Variants in SLIT3 observed in about 807,000 individuals in gnomAD.
The protein encoded by SLIT3 is slit guidance ligand 3.
Under a neutral mutation model 184.0 loss-of-function variants are expected in SLIT3, and 68 were observed. That is an observed-to-expected ratio of 0.37 (90% CI 0.30 to 0.45). The LOEUF is 0.45. Ranked by LOEUF, SLIT3 falls within the 20% of genes least tolerant of loss-of-function variation. The pLI, the probability that SLIT3 is intolerant of heterozygous loss-of-function variation, is 1.00. For synonymous variants in SLIT3, 831 were observed against 828.6 expected, an observed-to-expected ratio of 1.00 and a Z score of -0.05; for missense variants, 1,707 against 2,026.0, an observed-to-expected ratio of 0.84 and a Z score of 3.02.
intron 1 of SLIT3, among the ~76,000 whole-genome samples, chr5:169,276,776 T>C (rs1581131207): frequency 1.3e-5 from 2 of 152,326 alleles, no homozygotes; most frequent in Admixed American, 1.3e-4. Context: ...GCATCTACTA[T>C]AGGCTGGGCT....
rs947601688 is a variant in SLIT3 at position 168,932,244 on chromosome 5, T to G, written c.414-48908A>C. Among the ~76,000 whole-genome samples the G allele has an allele frequency of 2.3e-5, 3 of 128,646 alleles. No individual in the cohort carries two copies. The Admixed American group carries it at 2.3e-4, about 10-fold the overall frequency. The allele number at this position is 128,646 out of a possible 152,430, so 84.4% of individuals were successfully genotyped here. On this transcript the variant is annotated intron_variant, in intron 4 of 35. Transcript: ENST00000519560. ...CCCTACCCATTCCTGACACAGTTTT[T>G]TTGTTGTTGTTGTGTTTTTTTTTTT...
chr5:169,000,118 T>C (rs550086019), intron 4 of SLIT3, among the ~76,000 whole-genome samples: 1 of 152,212 alleles, frequency 6.6e-6, no homozygotes, highest in East Asian at 1.9e-4. Flanking sequence ...TAAGAAGTTA[T>C]GGCCGGGTGC....
chr5:168,886,323 C>T (rs1760208821), intron 4 of SLIT3, among the ~76,000 whole-genome samples: 1 of 152,180 alleles, frequency 6.6e-6, no homozygotes, highest in South Asian at 2.1e-4. Flanking sequence ...CAGGGCTGGG[C>T]GCTTCATTTT....
At chr5:169,083,194 C>T (rs1229228847) in intron 4 of SLIT3, among the ~76,000 whole-genome samples, 1 of 152,178 alleles carries the variant, frequency 6.6e-6, no homozygotes. Context: ...TTTGTATTTG[C>T]ACTGACAGGT....
intron 33 of SLIT3, among the ~76,000 whole-genome samples, chr5:168,671,817 G>T (rs185127405): frequency 6.6e-6 from 1 of 152,286 alleles, no homozygotes; most frequent in African/African-American, 2.4e-5. Context: ...TGAGGAGACC[G>T]TTCCCCCCAA....
rs773209530 is a variant in SLIT3 at position 168,806,434 on chromosome 5, A to T, written c.935+12T>A. 2 of 1,614,126 alleles carry T rather than the reference A, an allele frequency of 1.2e-6. No individual in the cohort carries two copies. Among genetic ancestry groups the T allele is most frequent in the East Asian group, 2.2e-5 (1 of 44,880 alleles). Reference sequence around the variant, plus strand: ...GCGACAGTTGTTGGGGGTGTCAGACAGGTGCACTTACATTTCGACGATGCC... The same window carrying T: ...GCGACAGTTGTTGGGGGTGTCAGACTGGTGCACTTACATTTCGACGATGCC... On this transcript the variant is annotated intron_variant, in intron 9 of 35. Transcript: ENST00000519560.
chr5:169,221,408 A>G (rs892785424), intron 3 of SLIT3, among the ~76,000 whole-genome samples: 1 of 152,140 alleles, frequency 6.6e-6, no homozygotes. Context: ...CGTGGACATG[A>G]TGTATCAGTG....
intron 4 of SLIT3, among the ~76,000 whole-genome samples, chr5:169,102,760 A>G (rs1265601974): frequency 2.6e-5 from 4 of 152,172 alleles, no homozygotes; most frequent in Admixed American, 1.3e-4. Flanking sequence ...AATCTCCTAC[A>G]TTAGGGAGAG....
At position 169,245,668 on chromosome 5, in the gene SLIT3, T is replaced by C. The variant is rs1169897518; in HGVS notation, c.270-892A>G. ...GTGGAGTTTCGGAAGGGCTATGGAT[T>C]CCTCTGGATTACTCAGGAGGAGAGG... is the stretch of plus-strand genomic sequence containing the variant. On this transcript the variant is annotated intron_variant, in intron 2 of 35. Coordinates refer to ENST00000519560, the MANE Select transcript of SLIT3 (RefSeq NM_003062.4). Among the ~76,000 whole-genome samples, 4 of 152,166 alleles carry C rather than the reference T, an allele frequency of 2.6e-5. No individual in the cohort carries two copies. In the East Asian group the frequency reaches 7.7e-4, roughly 29 times the overall value.
At chr5:169,146,762 C>T (rs571772346) in intron 4 of SLIT3, among the ~76,000 whole-genome samples, 1 of 152,306 alleles carries the variant, frequency 6.6e-6, no homozygotes, top group Admixed American at 6.5e-5. Context: ...GGCTTTTAGG[C>T]CTCACCTTGC....
intron 4 of SLIT3, chr5:169,018,014 CA>C (rs1756459154): frequency 6.6e-6 from 1 of 152,330 alleles, no homozygotes; most frequent in Admixed American, 6.5e-5. Context: ...AATTCTGACA[CA>C]AAACAAATCT....
intron 4 of SLIT3, among the ~76,000 whole-genome samples, chr5:169,071,474 G>C (rs901997142): frequency 1.3e-5 from 2 of 152,190 alleles, no homozygotes; most frequent in African/African-American, 4.8e-5. Flanking sequence ...ATAAAACACT[G>C]ATTACTGTGG....
Position 168,708,049 on chromosome 5 carries a change from G to C in SLIT3, c.2771C>G (p.Pro924Arg), listed in dbSNP as rs781009300. ...VAKCNACLSS[P>R]CKNNGTCTQD... is the part of the protein sequence containing the mutation. ...GGTGCATGTCCCGTTATTCTTGCACGGGCTGGAGAGGCAGGCATTGCATTT... is the reference window on the plus strand; with the variant it reads ...GGTGCATGTCCCGTTATTCTTGCACCGGCTGGAGAGGCAGGCATTGCATTT... The change falls in exon 26 of 36, where the codon CCG becomes CGG. Residue 924 changes from proline (P) to arginine (R), a missense_variant. Pro to Arg is a moderately radical substitution (Grantham distance 103). This residue lies in a region of SLIT3 where 1,307 missense variants were observed against 1,511.6 expected (regional missense o/e 0.86). Transcript: ENST00000519560. The C allele has an allele frequency of 2.5e-6, 4 of 1,614,146 alleles. No individual in the cohort carries two copies. The South Asian group carries it at 4.4e-5, about 18-fold the overall frequency.
intron 4 of SLIT3, among the ~76,000 whole-genome samples, chr5:169,111,635 C>T (rs1202981520): frequency 6.6e-6 from 1 of 152,112 alleles, no homozygotes; most frequent in African/African-American, 2.4e-5. Flanking sequence ...GCCTGTAATC[C>T]CAGCTACTCG....
At chr5:168,730,004 G>C (rs1763246518) in intron 20 of SLIT3, among the ~76,000 whole-genome samples, 1 of 151,872 alleles carries the variant, frequency 6.6e-6, no homozygotes. Flanking sequence ...GACGCAAATA[G>C]ACTGAAAGTA....
chr5:168,916,871 T>C (rs62377189), intron 4 of SLIT3, among the ~76,000 whole-genome samples: 3,799 of 152,212 alleles, frequency 0.025, 64 homozygotes, highest in Middle Eastern at 0.048. Flanking sequence ...CTTATACAGG[T>C]AGATTGACTC....
intron 4 of SLIT3, among the ~76,000 whole-genome samples, chr5:168,910,875 G>A (rs755803700): frequency 5.3e-5 from 8 of 152,120 alleles, no homozygotes; most frequent in Non-Finnish European, 1.2e-4. Flanking sequence ...CACAGTTTAT[G>A]CTTTGTGTCC....
At chr5:168,752,897 G>C (rs773063928) in intron 18 of SLIT3, 58 bp downstream of exon 18, 19 of 1,540,170 alleles carry the variant, frequency 1.2e-5, no homozygotes, top group Non-Finnish European at 1.5e-5. Context: ...GCTGGGAGGA[G>C]AGAGCGCTGC....
intron 4 of SLIT3, among the ~76,000 whole-genome samples, chr5:169,191,301 A>G (rs1763543032): frequency 6.6e-6 from 1 of 152,222 alleles, no homozygotes; most frequent in African/African-American, 2.4e-5. Context: ...ATGCCCGGAC[A>G]CGGACCCAGC....
Sources: allele counts gnomAD v4.1 joint callset (sites outside exome capture counted in the v4.1 genomes callset), GRCh38; gene constraint gnomAD v4.1.1; regional missense constraint gnomAD v4.1.1; transcripts MANE v1.5; gene names NCBI Gene and HGNC (gene_info 2026-07-23, HGNC 2026-07-21).